Variants in TNS1 observed in about 807,000 individuals in gnomAD.
TNS1 encodes tensin 1.
TNS1 carries 62 observed loss-of-function variants against 168.6 expected under a neutral mutation model. That is an observed-to-expected ratio of 0.37 (90% CI 0.30 to 0.45). The LOEUF (loss-of-function observed/expected upper bound fraction) is 0.45. TNS1 is among the 20% of genes least tolerant of loss of function. The pLI is 1.00. For synonymous variants in TNS1, 934 were observed against 933.2 expected (o/e 1.00, Z -0.02); for missense variants, 2,240 against 2,339.4 (o/e 0.96, Z 0.88).
intron 3 of TNS1, among the ~76,000 whole-genome samples, chr2:217,955,359 G>T (rs910884456): frequency 6.6e-6 from 1 of 152,196 alleles, no homozygotes; most frequent in Non-Finnish European, 1.5e-5. Context: ...TTTCCCCTCA[G>T]AGACATCCAC....
intron 4 of TNS1, among the ~76,000 whole-genome samples, chr2:217,911,940 C>G (rs1431582763): frequency 6.6e-6 from 1 of 152,242 alleles, no homozygotes; most frequent in Non-Finnish European, 1.5e-5. Context: ...AACTGGGCTG[C>G]ATAGGAAAGA....
intron 18 of TNS1, chr2:217,859,827 C>A: frequency 1.4e-6 from 1 of 700,386 alleles, no homozygotes; most frequent in Non-Finnish European, 2.4e-6. Context: ...AAGTTCCCAC[C>A]ATTATCCTGA....
Position 217,997,448 on chromosome 2 carries a change from T to A in TNS1, c.33+5392A>T, listed in dbSNP as rs139969586. On this transcript the variant is annotated intron_variant, in intron 1 of 32. Transcript: ENST00000682258. ...GTTATCCACCTCTCATTTTTCTTTC[T>A]GACACTGATGTTTCTAAAGGTTACA... Among the ~76,000 whole-genome samples, 140 of 152,320 alleles carry A rather than the reference T, an allele frequency of 9.2e-4. 2 individuals carry two copies. The highest frequency in any genetic ancestry group is 3.4e-3 in the Middle Eastern group (1 of 294).
chr2:217,833,345 C>T (rs1037843947), intron 21 of TNS1, among the ~76,000 whole-genome samples: 4 of 152,372 alleles, frequency 2.6e-5, no homozygotes, highest in South Asian at 2.1e-4. Flanking sequence ...GAGTGGGCGA[C>T]GCTAAAGCCA....
chr2:217,886,292 C>T (rs539078039), intron 13 of TNS1, among the ~76,000 whole-genome samples, 188 bp from the exon 14 acceptor site: 1 of 152,202 alleles, frequency 6.6e-6, no homozygotes, highest in Non-Finnish European at 1.5e-5. Context: ...CAACTTTTCA[C>T]TTGTAAGGCA....
At chr2:217,940,906 C>T (rs1046770386) in intron 3 of TNS1, among the ~76,000 whole-genome samples, 1 of 152,126 alleles carries the variant, frequency 6.6e-6, no homozygotes, top group Non-Finnish European at 1.5e-5. Flanking sequence ...TCTGGTTCTC[C>T]TCTCACTGCC....
rs1366628349 is a variant in TNS1, at chr2:217,812,584, A to C, written c.4955-139T>G. 5 of 643,172 alleles carry C rather than the reference A, an allele frequency of 7.8e-6. No homozygotes were observed. In the African/African-American group the frequency reaches 9.2e-5, roughly 12 times the overall value. The allele number at this position is 643,172 out of a possible 1,614,324, so 39.8% of individuals were successfully genotyped here. Reference sequence around the variant, plus strand: ...CCTCAACCCACCACCAAAGCTGAAAATTCACACCCTCTTGTTGAACAAGAT... The same window carrying C: ...CCTCAACCCACCACCAAAGCTGAAACTTCACACCCTCTTGTTGAACAAGAT... On this transcript the variant is annotated intron_variant, in intron 27 of 32. Transcript: ENST00000682258.
intron 1 of TNS1, among the ~76,000 whole-genome samples, chr2:218,025,943 C>G (rs150442561): frequency 2.7e-4 from 41 of 152,336 alleles, no homozygotes; most frequent in African/African-American, 9.1e-4. Flanking sequence ...CTCCAGGCCT[C>G]TTTTCCTCTC....
In TNS1 at chr2:217,848,163, G is replaced by GGCTGCTGCTGCTGAT; in HGVS notation, c.2353_2354insATCAGCAGCAGCAGC (p.Gln784_Pro785insHisGlnGlnGlnGln). ...TTCCTGCTGGCGTGGAGGTGGGCGA[G>GGCTGCTGCTGCTGAT]GCTGCTGCTGCTGCTGCTGCTGCTG... On this transcript the variant is annotated inframe_insertion, in exon 19 of 33. Coordinates refer to ENST00000682258, the MANE Select transcript of TNS1 (RefSeq NM_001387777.1). The GGCTGCTGCTGCTGAT allele has an allele frequency of 6.7e-7, 1 of 1,502,034 alleles. No homozygotes were observed. Among genetic ancestry groups the GGCTGCTGCTGCTGAT allele is most frequent in the African/African-American group, 1.4e-5 (1 of 71,820 alleles). The allele number at this position is 1,502,034 out of a possible 1,614,324, so 93.0% of individuals were successfully genotyped here.
chr2:217,833,215 C>A (rs1270095198), intron 21 of TNS1, among the ~76,000 whole-genome samples: 1 of 152,200 alleles, frequency 6.6e-6, no homozygotes, highest in African/African-American at 2.4e-5. Flanking sequence ...GGAGGTGAAG[C>A]GGACGAGAGG....
At chr2:218,019,278 G>A (rs1325023317) in intron 1 of TNS1, among the ~76,000 whole-genome samples, 1 of 152,134 alleles carries the variant, frequency 6.6e-6, no homozygotes, top group African/African-American at 2.4e-5. Flanking sequence ...AAAGAGAAAA[G>A]TTCATGCTAA....
chr2:217,828,649 C>A (rs915355610), intron 22 of TNS1, among the ~76,000 whole-genome samples: 6 of 152,220 alleles, frequency 3.9e-5, no homozygotes, highest in African/African-American at 1.4e-4. Context: ...AGGCCTCCCA[C>A]CTGATTATGC....
chr2:218,020,001 A>T (rs1958793814), intron 1 of TNS1, among the ~76,000 whole-genome samples: 1 of 152,100 alleles, frequency 6.6e-6, no homozygotes, highest in African/African-American at 2.4e-5. Flanking sequence ...CCAAGCCCAG[A>T]AATGTGAAGT....
intron 6 of TNS1, chr2:217,905,340 C>T: frequency 2.3e-6 from 1 of 444,312 alleles, no homozygotes; most frequent in South Asian, 1.6e-5. Context: ...ATGCTCCCTG[C>T]TCCACCTGGA....
chr2:217,804,676 T>C, intron 32 of TNS1, 73 bp from the exon 33 acceptor site: 2 of 1,583,754 alleles, frequency 1.3e-6, no homozygotes. Flanking sequence ...GCAGCCCAGG[T>C]GAGCAAGCTG....
At chr2:217,894,289 G>A (rs963364140) in intron 9 of TNS1, among the ~76,000 whole-genome samples, 15 of 152,166 alleles carry the variant, frequency 9.9e-5, no homozygotes, top group Non-Finnish European at 1.5e-5. Flanking sequence ...ACAACAGCAT[G>A]TACCAAACTC....
intron 19 of TNS1, among the ~76,000 whole-genome samples, chr2:217,840,356 A>T (rs895349428): frequency 6.6e-6 from 1 of 152,230 alleles, no homozygotes; most frequent in African/African-American, 2.4e-5. Flanking sequence ...AGTGGACGGC[A>T]TCATTCTCAA....
chr2:217,916,524 C>T (rs1020101791), intron 4 of TNS1, among the ~76,000 whole-genome samples: 5 of 152,236 alleles, frequency 3.3e-5, no homozygotes, highest in African/African-American at 9.6e-5. Context: ...TTGAGAAAAG[C>T]TGCTTCAGCT....
At chr2:217,946,120 C>A (rs1297084289) in intron 3 of TNS1, among the ~76,000 whole-genome samples, 1 of 152,214 alleles carries the variant, frequency 6.6e-6, no homozygotes. Flanking sequence ...CTCCTTCCAT[C>A]CTCCAACTTT....
Sources: gnomAD v4.1 joint callset for allele counts (sites outside exome capture counted in the v4.1 genomes callset) on GRCh38, gnomAD v4.1.1 for gene constraint, MANE v1.5 for transcripts, NCBI Gene and HGNC (gene_info 2026-07-23, HGNC 2026-07-21) for gene names.